Variants in SASH1 observed in about 807,000 individuals in gnomAD.
SASH1 encodes SAM and SH3 domain containing 1.
SASH1 carries 44 observed loss-of-function variants against 125.2 expected under a neutral mutation model. That is an observed-to-expected ratio of 0.35 (90% CI 0.28 to 0.45). The LOEUF is 0.45. SASH1 is among the 20% of genes least tolerant of loss of function. The pLI is 1.00. For synonymous variants in SASH1, 639 were observed against 649.1 expected, an observed-to-expected ratio of 0.98 and a Z score of 0.24; for missense variants, 1,426 against 1,614.5, an observed-to-expected ratio of 0.88 and a Z score of 2.00.
At chr6:148,369,674 C>T (rs1453124587) in intron 1 of SASH1, among the ~76,000 whole-genome samples, 1 of 152,138 alleles carries the variant, frequency 6.6e-6, no homozygotes, top group African/African-American at 2.4e-5. Flanking sequence ...CCCAACCTGG[C>T]CGGACGTGGT....
At chr6:148,338,927 C>G (rs763848855), upstream of SASH1, among the ~76,000 whole-genome samples, 1 of 150,180 alleles carries the variant, frequency 6.7e-6, no homozygotes, top group East Asian at 2.0e-4. Context: ...ATTGCTTGAA[C>G]CCAGGAGGGG....
chr6:148,509,262 C>T (rs33951897), intron 8 of SASH1: 15,279 of 225,726 alleles, frequency 0.068, 781 homozygotes, highest in East Asian at 0.24. Context: ...CGCTGTGACA[C>T]AGCCGACCTA....
intron 8 of SASH1, among the ~76,000 whole-genome samples, chr6:148,503,798 G>C (rs1049735027): frequency 4.0e-5 from 6 of 151,830 alleles, no homozygotes; most frequent in African/African-American, 1.5e-4. Flanking sequence ...ACATCAGGGT[G>C]TATTTTGTGT....
intron 1 of SASH1, among the ~76,000 whole-genome samples, chr6:148,388,098 A>G (rs1783551113): frequency 6.6e-6 from 1 of 151,938 alleles, no homozygotes; most frequent in Middle Eastern, 3.4e-3. Context: ...TATTTTTAGT[A>G]GAGACGGGGT....
intron 1 of SASH1, among the ~76,000 whole-genome samples, chr6:148,358,966 A>G (rs1415617006): frequency 1.3e-5 from 2 of 151,622 alleles, no homozygotes; most frequent in Non-Finnish European, 2.9e-5. Flanking sequence ...TGATCTCCTG[A>G]CCTTGTGATC....
chr6:148,470,168 G>A (rs1778032239), intron 5 of SASH1, among the ~76,000 whole-genome samples: 1 of 152,204 alleles, frequency 6.6e-6, no homozygotes. Flanking sequence ...TCAGTGTTAA[G>A]CCCAAAGGCA....
chr6:148,227,347 ATTTGTTTG>A, the SASH1 span, among the ~76,000 whole-genome samples: 10 of 152,040 alleles, frequency 6.6e-5, no homozygotes, highest in South Asian at 4.2e-4. Flanking sequence ...GCACTCAGGA[ATTTGTTTG>A]TTTGTTTGTT....
At chr6:148,545,923 A>C (rs902906658) in intron 18 of SASH1, 92 bp from the exon 19 acceptor site, 1 of 1,273,982 alleles carries the variant, frequency 7.8e-7, no homozygotes, top group Non-Finnish European at 1.1e-6. Flanking sequence ...TCTAAGTGAC[A>C]GTGAGACCCT....
In SASH1 at chr6:148,550,918, G is replaced by A. The variant is rs1782844305; in HGVS notation, c.*2360G>A. 1 of 152,476 alleles carries A rather than the reference G, an allele frequency of 6.6e-6. No homozygotes were observed. Among genetic ancestry groups the A allele is most frequent in the Non-Finnish European group, 1.5e-5 (1 of 68,040 alleles). 9.4% of individuals were successfully genotyped at this position (152,476 alleles called of 1,614,324 possible). On this transcript the variant is annotated 3_prime_UTR_variant, in exon 20 of 20. Coordinates refer to ENST00000367467, the MANE Select transcript of SASH1 (RefSeq NM_015278.5). Reference sequence around the variant, plus strand: ...TTCCAAGTTTTAATTCGTTCTCCATGAAGGATTTTCATTTCAGTGAAAGTC... The same window carrying A: ...TTCCAAGTTTTAATTCGTTCTCCATAAAGGATTTTCATTTCAGTGAAAGTC...
At chr6:148,369,966 C>CAAAAAAAAAAAAAAAAAAAAAAAA (rs562924566) in intron 1 of SASH1, among the ~76,000 whole-genome samples, 8 of 93,542 alleles carry the variant, frequency 8.6e-5, no homozygotes, top group Admixed American at 1.3e-4. Context: ...AAAAGAAAAA[C>CAAAAAAAAAAAAAAAAAAAAAAAA]AAAAAAAAAA....
intron 1 of SASH1, among the ~76,000 whole-genome samples, chr6:148,354,236 A>T (rs541423818): frequency 6.6e-6 from 1 of 152,136 alleles, no homozygotes. Flanking sequence ...AATAGCCAAG[A>T]TTTTCTGAAA....
At chr6:148,418,679 G>A (rs1169787404) in intron 2 of SASH1, among the ~76,000 whole-genome samples, 2 of 152,198 alleles carry the variant, frequency 1.3e-5, no homozygotes, top group Non-Finnish European at 2.9e-5. Flanking sequence ...GTCTTGAGAT[G>A]TTAATGGTGA....
intron 1 of SASH1, among the ~76,000 whole-genome samples, chr6:148,307,041 TTTC>T (rs1780151277): frequency 1.1e-5 from 1 of 94,918 alleles, no homozygotes; most frequent in South Asian, 3.1e-4. Context: ...TCTTTCTTTC[TTTC>T]TTTCTTTCTT....
chr6:148,342,490 C>T (rs1781357857), upstream of SASH1: 1 of 152,170 alleles, frequency 6.6e-6, no homozygotes, highest in Admixed American at 6.5e-5. Context: ...TTCTCCTGTC[C>T]GAGGCTCATT....
intron 5 of SASH1, among the ~76,000 whole-genome samples, chr6:148,469,420 A>AATAT (rs1465137958): frequency 6.6e-6 from 1 of 152,182 alleles, no homozygotes; most frequent in Non-Finnish European, 1.5e-5. Context: ...GGGAGAAGGG[A>AATAT]ATATAGCTTA....
intron 8 of SASH1, among the ~76,000 whole-genome samples, chr6:148,492,426 A>G (rs1362315677): frequency 6.6e-6 from 1 of 152,226 alleles, no homozygotes; most frequent in Admixed American, 6.5e-5. Flanking sequence ...AGCCCTTGCT[A>G]TATAGCAGGC....
chr6:148,377,648 T>A (rs1782966496), intron 1 of SASH1, among the ~76,000 whole-genome samples: 1 of 152,250 alleles, frequency 6.6e-6, no homozygotes, highest in African/African-American at 2.4e-5. Context: ...TCTTAATTCA[T>A]CTTTGAAATA....
intron 17 of SASH1, among the ~76,000 whole-genome samples, chr6:148,540,981 T>C (rs1055124759): frequency 6.6e-6 from 1 of 152,044 alleles, no homozygotes; most frequent in African/African-American, 2.4e-5. Context: ...GATGGCCACA[T>C]GTCTTGTTTG....
At chr6:148,524,747 T>C (rs1466622788) in intron 10 of SASH1, 1 of 152,402 alleles carries the variant, frequency 6.6e-6, no homozygotes, top group Non-Finnish European at 1.5e-5. Flanking sequence ...TTGGCCTGAT[T>C]GGACAACTGT....
Sources: gnomAD v4.1 joint callset for allele counts (sites outside exome capture counted in the v4.1 genomes callset) on GRCh38, gnomAD v4.1.1 for gene constraint, MANE v1.5 for transcripts, NCBI Gene and HGNC (gene_info 2026-07-23, HGNC 2026-07-21) for gene names.